The following BICD1 variants were observed in gnomAD, a reference collection of about 807,000 sequenced individuals.
BICD1 encodes the protein BICD cargo adaptor 1, also known as protein bicaudal D homolog 1.
Under a neutral mutation model 92.5 loss-of-function variants are expected in BICD1, and 35 were observed. That is an observed-to-expected ratio of 0.38 (90% CI 0.29 to 0.50). BICD1 has a LOEUF of 0.50. BICD1 is among the 20% of genes least tolerant of loss of function. The pLI, the probability that BICD1 is intolerant of heterozygous loss-of-function variation, is 0.93. For synonymous variants in BICD1, 429 were observed against 465.1 expected, an observed-to-expected ratio of 0.92 and a Z score of 1.00; for missense variants, 950 against 1,189.8, an observed-to-expected ratio of 0.80 and a Z score of 2.97.
At chr12:32,221,891 A>C (rs1945543680) in intron 2 of BICD1, among the ~76,000 whole-genome samples, 1 of 152,172 alleles carries the variant, frequency 6.6e-6, no homozygotes, top group African/African-American at 2.4e-5. Context: ...GCAGATTGCT[A>C]TAGGATTTAA....
chr12:32,192,049 A>AC (rs1262766959), intron 1 of BICD1, among the ~76,000 whole-genome samples: 15 of 152,332 alleles, frequency 9.8e-5, no homozygotes, highest in African/African-American at 3.4e-4. Context: ...TTGAAAGCCC[A>AC]GATAGGCCTA....
At chr12:32,329,141 G>A (rs1217360135) in intron 5 of BICD1, among the ~76,000 whole-genome samples, 3 of 151,980 alleles carry the variant, frequency 2.0e-5, no homozygotes, top group Admixed American at 6.6e-5. Flanking sequence ...GTCTCGCTCT[G>A]TTGTCCAGGC....
intron 2 of BICD1, among the ~76,000 whole-genome samples, chr12:32,275,894 TCATCGC>T (rs1947261794): frequency 2.0e-5 from 3 of 152,096 alleles, no homozygotes; most frequent in African/African-American, 7.2e-5. Flanking sequence ...TTCTAATAGC[TCATCGC>T]ATGGCCCAAG....
intron 1 of BICD1, among the ~76,000 whole-genome samples, chr12:32,188,682 A>C (rs758539767): frequency 3.2e-4 from 49 of 152,254 alleles, no homozygotes; most frequent in Non-Finnish European, 5.3e-4. Context: ...GAAGACCATC[A>C]AATAAAAGTA....
At chr12:32,377,162 A>C (rs1401237926) in intron 9 of BICD1, among the ~76,000 whole-genome samples, 1 of 152,160 alleles carries the variant, frequency 6.6e-6, no homozygotes, top group African/African-American at 2.4e-5. Context: ...ATTTGCATGC[A>C]TATTAAAGTT....
chr12:32,110,683 A>T lies in BICD1; in HGVS notation c.213+3139A>T, dbSNP rs183331103. ...TTTGAAGAAGAGTCATAGCTCCAAA[A>T]TAACCTGAAAACTAAAAATATACAT... On this transcript the variant is annotated intron_variant, in intron 1 of 9. Coordinates refer to ENST00000652176, the MANE Select transcript of BICD1 (RefSeq NM_001714.4). Among the ~76,000 whole-genome samples, 15 of 152,322 alleles carry T rather than the reference A, an allele frequency of 9.8e-5. No individual in the cohort carries two copies. In the South Asian group the frequency reaches 1.0e-3, roughly 11 times the overall value.
chr12:32,133,343 C>A (rs12368434), intron 1 of BICD1, among the ~76,000 whole-genome samples: 55,672 of 151,644 alleles, frequency 0.37, 11,552 homozygotes, highest in Middle Eastern at 0.58. Context: ...CAAAAATTAG[C>A]CGGGTATGGT....
chr12:32,222,269 A>G (rs1007354660), intron 2 of BICD1, among the ~76,000 whole-genome samples: 3 of 152,250 alleles, frequency 2.0e-5, no homozygotes, highest in Non-Finnish European at 4.4e-5. Context: ...CAAATGAATT[A>G]TCGACCTTAG....
chr12:32,274,609 G>A (rs996198606), intron 2 of BICD1, among the ~76,000 whole-genome samples: 7 of 152,050 alleles, frequency 4.6e-5, no homozygotes, highest in Non-Finnish European at 7.4e-5. Context: ...TTACTGAGGC[G>A]TTTATATTTA....
intron 8 of BICD1, among the ~76,000 whole-genome samples, chr12:32,342,018 C>G (rs952610574): frequency 4.0e-5 from 6 of 151,070 alleles, no homozygotes; most frequent in African/African-American, 1.5e-4. Context: ...GGAGTTTAAC[C>G]ATTATAAAAT....
At chr12:32,132,269 A>G (rs941342386) in intron 1 of BICD1, among the ~76,000 whole-genome samples, 2 of 152,044 alleles carry the variant, frequency 1.3e-5, no homozygotes, top group African/African-American at 4.8e-5. Context: ...TACAAAAATT[A>G]GCTGGGTGTG....
At chr12:32,176,809 G>T (rs548429055) in intron 1 of BICD1, among the ~76,000 whole-genome samples, 4 of 152,112 alleles carry the variant, frequency 2.6e-5, no homozygotes, top group East Asian at 1.9e-4. Context: ...TGTTTATCCA[G>T]TTACCTGTTG....
intron 1 of BICD1, among the ~76,000 whole-genome samples, chr12:32,182,744 T>G (rs1249575625): frequency 6.6e-6 from 1 of 151,808 alleles, no homozygotes; most frequent in African/African-American, 2.4e-5. Context: ...TATGAGAAAT[T>G]GCTTTGAGAA....
chr12:32,238,452 G>A (rs7136969), intron 2 of BICD1, among the ~76,000 whole-genome samples: 19,124 of 152,138 alleles, frequency 0.13, 1,978 homozygotes, highest in African/African-American at 0.28. Context: ...CACTGTGAAA[G>A]TTGTCGAAAT....
At chr12:32,197,518 T>C (rs1178152036) in intron 1 of BICD1, among the ~76,000 whole-genome samples, 3 of 152,186 alleles carry the variant, frequency 2.0e-5, no homozygotes, top group Non-Finnish European at 4.4e-5. Context: ...AGTCTTAATA[T>C]TTTCTTAGTG....
chr12:32,173,111 G>T (rs967411831), intron 1 of BICD1, among the ~76,000 whole-genome samples: 3 of 151,728 alleles, frequency 2.0e-5, no homozygotes, highest in African/African-American at 4.8e-5. Context: ...GCAGTGGCAC[G>T]ATCGTGGATC....
At position 32,216,127 on chromosome 12, in the gene BICD1, G is replaced by C. The variant is rs1375191228; in HGVS notation, c.214-120G>C. The C allele has an allele frequency of 3.6e-6, 3 of 836,262 alleles. No individual in the cohort carries two copies. The African/African-American group carries it at 5.2e-5, about 14-fold the overall frequency. 51.8% of individuals were successfully genotyped at this position (836,262 alleles called of 1,614,324 possible). ...AGAGCTGCTAGACTGTTATATTTCG[G>C]GGGTCTTGCAGGGTAGCTTTTCTTA... On this transcript the variant is annotated intron_variant, in intron 1 of 9. Coordinates refer to ENST00000652176, the MANE Select transcript of BICD1 (RefSeq NM_001714.4).
intron 8 of BICD1, chr12:32,339,936 G>C (rs945003406): frequency 3.6e-6 from 3 of 832,626 alleles, no homozygotes; most frequent in Non-Finnish European, 4.3e-6. Context: ...GTCAACACCT[G>C]TTGGAGCTCT....
In BICD1 at chr12:32,327,319, AC is replaced by A. The variant is rs1948804264; in HGVS notation, c.1006-141del. ...CTTACCAGAACTGCTGAAATAAAAAACACTCCAATTTAATTTGAAATAGTGG... is the reference window on the plus strand; with the variant it reads ...CTTACCAGAACTGCTGAAATAAAAAAACTCCAATTTAATTTGAAATAGTGG... On this transcript the variant is annotated intron_variant, in intron 4 of 9. Transcript: ENST00000652176. 10 of 1,042,944 alleles carry A rather than the reference AC, an allele frequency of 9.6e-6. No homozygotes were observed. The South Asian group carries it at 1.8e-4, about 19-fold the overall frequency. The allele number at this position is 1,042,944 out of a possible 1,614,324, so 64.6% of individuals were successfully genotyped here.
Sources: gnomAD v4.1 joint callset for allele counts (sites outside exome capture counted in the v4.1 genomes callset) on GRCh38, gnomAD v4.1.1 for gene constraint, MANE v1.5 for transcripts, NCBI Gene and HGNC (gene_info 2026-07-23, HGNC 2026-07-21) for gene names.